Variants in TMEM132C observed in about 807,000 individuals in gnomAD.
TMEM132C encodes protein phosphatase 1, regulatory subunit 152.
A neutral mutation model predicts 61.4 loss-of-function variants in TMEM132C; 29 were observed. That is an observed-to-expected ratio of 0.47 (90% CI 0.35 to 0.64). The LOEUF is 0.64. Ranked by LOEUF, TMEM132C falls within the 30% of genes least tolerant of loss-of-function variation. The probability of loss-of-function intolerance (pLI) is 0.00; values close to 1 mark genes in which losing one functional copy is unlikely to be tolerated. For synonymous variants in TMEM132C, 656 were observed against 633.1 expected, an observed-to-expected ratio of 1.04 and a Z score of -0.54; for missense variants, 1,408 against 1,476.9, an observed-to-expected ratio of 0.95 and a Z score of 0.76.
intron 4 of TMEM132C, among the ~76,000 whole-genome samples, chr12:128,640,408 G>C (rs1471958843): frequency 6.6e-6 from 1 of 152,188 alleles, no homozygotes; most frequent in Non-Finnish European, 1.5e-5. Context: ...TTCCATTTAT[G>C]TGAGATTACA....
intron 1 of TMEM132C, among the ~76,000 whole-genome samples, chr12:128,379,374 G>A (rs796624859): frequency 1.3e-4 from 20 of 152,322 alleles, no homozygotes; most frequent in African/African-American, 3.6e-4. Context: ...ATTCTGCCTG[G>A]TTTGTCTCAG....
At position 128,447,758 on chromosome 12, in the gene TMEM132C, C is replaced by T. The variant is rs932838978; in HGVS notation, c.974+32138C>T. On this transcript the variant is annotated intron_variant, in intron 2 of 8. Transcript: ENST00000435159. ...TTTTTGAGACGGAGTCTCGCTCTGT[C>T]GCCCAGGCCGGACTGCGGACTGCAG... Among the ~76,000 whole-genome samples, 3 of 102,628 alleles carry T rather than the reference C, an allele frequency of 2.9e-5. No individual in the cohort carries two copies. In the South Asian group the frequency reaches 1.0e-3, roughly 35 times the overall value. The allele number at this position is 102,628 out of a possible 152,430, so 67.3% of individuals were successfully genotyped here. A position where few individuals can be genotyped will look rare whatever the true frequency, so the allele number is the denominator to read the frequency against.
chr12:128,599,577 G>A (rs950657786), intron 3 of TMEM132C, among the ~76,000 whole-genome samples: 1 of 152,192 alleles, frequency 6.6e-6, no homozygotes, highest in African/African-American at 2.4e-5. Context: ...TGCACATAGG[G>A]ATACCCCAGG....
chr12:128,540,993 CTCTG>C (rs148028994), intron 2 of TMEM132C, among the ~76,000 whole-genome samples: 16 of 150,584 alleles, frequency 1.1e-4, no homozygotes, highest in African/African-American at 2.7e-4. Context: ...GTCTGTATGT[CTCTG>C]TCTGTCTGTC....
chr12:128,572,667 T>C (rs1169712922), intron 3 of TMEM132C, among the ~76,000 whole-genome samples: 2 of 152,174 alleles, frequency 1.3e-5, no homozygotes, highest in East Asian at 1.9e-4. Flanking sequence ...ACATGCCCAC[T>C]GTGGCCTCTG....
chr12:128,613,006 G>A (rs949089938), intron 3 of TMEM132C, among the ~76,000 whole-genome samples: 6 of 152,210 alleles, frequency 3.9e-5, no homozygotes, highest in African/African-American at 1.4e-4. Flanking sequence ...GAGAGATGAT[G>A]TGAGTGGTTG....
At chr12:128,484,450 T>C (rs1871419188) in intron 2 of TMEM132C, among the ~76,000 whole-genome samples, 2 of 152,182 alleles carry the variant, frequency 1.3e-5, no homozygotes, top group African/African-American at 2.4e-5. Context: ...CTCTGGGACC[T>C]TCCATGTTCC....
chr12:128,549,522 C>G (rs1565971117), intron 3 of TMEM132C, among the ~76,000 whole-genome samples: 1 of 152,156 alleles, frequency 6.6e-6, no homozygotes, highest in Non-Finnish European at 1.5e-5. Flanking sequence ...ATGTTCGTTT[C>G]TTCAACAAAT....
chr12:128,374,195 C>T (rs541872295), intron 1 of TMEM132C, among the ~76,000 whole-genome samples: 6 of 152,166 alleles, frequency 3.9e-5, no homozygotes, highest in Admixed American at 1.3e-4. Flanking sequence ...GGGGGACATC[C>T]GGGAGACTAT....
intron 2 of TMEM132C, among the ~76,000 whole-genome samples, chr12:128,448,116 TTTG>T (rs1286262845): frequency 1.3e-5 from 2 of 152,182 alleles, no homozygotes; most frequent in Non-Finnish European, 2.9e-5. Flanking sequence ...GACAATTTTT[TTTG>T]TTGTTGTTGT....
In TMEM132C at chr12:128,544,097, G is replaced by T. The variant is rs759264452; in HGVS notation, c.1115G>T (p.Arg372Leu). ...TGCCAGCGCCTGGGGCCCAGCCCAC[G>T]CAACAGGTAAGCGGTGCCCTCCCTG... Reference protein sequence around the residue: ...VACQRLGPSPRNRSSSLFNEV... With the variant: ...VACQRLGPSPLNRSSSLFNEV... The change falls in exon 3 of 9, where the codon CGC becomes CTC. Residue 372 changes from arginine (R) to leucine (L), a missense_variant. Transcript: ENST00000435159. 6.5e-7 allele frequency: 1 copy of T among 1,534,390 alleles called. No individual in the cohort carries two copies. The highest frequency in any genetic ancestry group is 8.8e-7 in the Non-Finnish European group (1 of 1,138,934).
intron 1 of TMEM132C, among the ~76,000 whole-genome samples, chr12:128,361,714 T>C (rs1873714615): frequency 6.6e-6 from 1 of 151,924 alleles, no homozygotes; most frequent in African/African-American, 2.4e-5. Flanking sequence ...ATGGAGACCA[T>C]GTGCTTTCAA....
At chr12:128,417,289 ATCT>A (rs1222083799) in intron 2 of TMEM132C, among the ~76,000 whole-genome samples, 1 of 152,250 alleles carries the variant, frequency 6.6e-6, no homozygotes, top group African/African-American at 2.4e-5. Flanking sequence ...TAGAGTGATC[ATCT>A]TCCCCCTTGC....
intron 1 of TMEM132C, among the ~76,000 whole-genome samples, chr12:128,329,975 T>C (rs1304494328): frequency 2.0e-5 from 3 of 152,170 alleles, no homozygotes; most frequent in African/African-American, 7.2e-5. Flanking sequence ...TGTGTACATG[T>C]GTATTTCCTT....
chr12:128,267,444 G>T lies in TMEM132C; in HGVS notation c.42G>T (p.Leu14=). The T allele has an allele frequency of 1.6e-6, 2 of 1,262,982 alleles. No individual in the cohort carries two copies. Among genetic ancestry groups the T allele is most frequent in the Non-Finnish European group, 9.9e-7 (1 of 1,005,834 alleles). 78.2% of individuals were successfully genotyped at this position (1,262,982 alleles called of 1,614,324 possible). ...EGAAPGPAAP[L]CGALSLLLGA... ...CGGCCCCCGGGCCGGCGGCGCCGCT[G>T]TGCGGGGCGCTGAGCCTGCTGCTGG... The change falls in exon 1 of 9, where the codon CTG becomes CTT. Residue 14 remains leucine (L), a synonymous_variant. Transcript: ENST00000435159.
intron 1 of TMEM132C, among the ~76,000 whole-genome samples, chr12:128,328,742 G>A (rs530055180): frequency 5.0e-5 from 7 of 139,912 alleles, no homozygotes; most frequent in Non-Finnish European, 1.0e-4. Context: ...AGCTGAGATC[G>A]CACCACTGCA....
At chr12:128,592,947 C>CA (rs1555234374) in intron 3 of TMEM132C, among the ~76,000 whole-genome samples, 1 of 152,258 alleles carries the variant, frequency 6.6e-6, no homozygotes, top group Non-Finnish European at 1.5e-5. Context: ...GCCACAGCCA[C>CA]AGTCATCCAA....
At chr12:128,271,305 T>TAAA (rs869200532) in intron 1 of TMEM132C, among the ~76,000 whole-genome samples, 6 of 133,586 alleles carry the variant, frequency 4.5e-5, no homozygotes, top group African/African-American at 1.4e-4. Context: ...ATAATAATAA[T>TAAA]AAAATGAAAT....
At chr12:128,283,767 A>T (rs1043760721) in intron 1 of TMEM132C, among the ~76,000 whole-genome samples, 2 of 151,744 alleles carry the variant, frequency 1.3e-5, no homozygotes, top group African/African-American at 4.8e-5. Flanking sequence ...CCTTTTCCTA[A>T]TCCCAGGCCA....
Sources: gnomAD v4.1 joint callset for allele counts (sites outside exome capture counted in the v4.1 genomes callset) on GRCh38, gnomAD v4.1.1 for gene constraint, MANE v1.5 for transcripts, NCBI Gene and HGNC (gene_info 2026-07-23, HGNC 2026-07-21) for gene names.